DLGAP2: variants seen among roughly 807,000 people sequenced by gnomAD.
The protein encoded by DLGAP2 is DLG associated protein 2.
DLGAP2 carries 26 observed loss-of-function variants against 100.3 expected under a neutral mutation model. The observed-to-expected ratio is 0.26, with a 90% CI of 0.19 to 0.36. The LOEUF (loss-of-function observed/expected upper bound fraction) is 0.36, where lower values mean the gene tolerates loss of function less well. Ranked by LOEUF, DLGAP2 falls within the 10% of genes least tolerant of loss-of-function variation. The probability of loss-of-function intolerance (pLI) is 1.00; values close to 1 mark genes in which losing one functional copy is unlikely to be tolerated. For missense variants in DLGAP2, 1,858 were observed against 1,453.2 expected, an observed-to-expected ratio of 1.28 and a Z score of -4.53; for synonymous variants, 886 against 630.1, an observed-to-expected ratio of 1.41 and a Z score of -6.08.
At chr8:1,629,847 C>G (rs1036487982) in intron 7 of DLGAP2, among the ~76,000 whole-genome samples, 1 of 152,182 alleles carries the variant, frequency 6.6e-6, no homozygotes, top group Non-Finnish European at 1.5e-5. Context: ...CATTCAGAGG[C>G]TCTTTGCGAC....
intron 3 of DLGAP2, among the ~76,000 whole-genome samples, chr8:1,334,690 G>T (rs969113212): frequency 6.6e-6 from 1 of 151,980 alleles, no homozygotes; most frequent in Non-Finnish European, 1.5e-5. Context: ...GCACTCCAGG[G>T]TAAACACCTC....
At chr8:1,208,707 A>G (rs1157466293) in intron 2 of DLGAP2, among the ~76,000 whole-genome samples, 1 of 152,122 alleles carries the variant, frequency 6.6e-6, no homozygotes, top group Non-Finnish European at 1.5e-5. Flanking sequence ...CACTGATGAT[A>G]TGATTTTATA....
At chr8:1,454,272 A>G (rs1030254630) in intron 3 of DLGAP2, among the ~76,000 whole-genome samples, 2 of 152,054 alleles carry the variant, frequency 1.3e-5, no homozygotes, top group African/African-American at 4.8e-5. Flanking sequence ...GAGGTGGCCG[A>G]GTTCCACTGC....
At position 1,359,621 on chromosome 8, in the gene DLGAP2, G is replaced by A. The variant is rs1000352517; in HGVS notation, c.106+100738G>A. 3.3e-5 allele frequency among the ~76,000 whole-genome samples: 5 copies of A among 152,368 alleles called. No individual in the cohort carries two copies. The East Asian group carries it at 9.7e-4, about 30-fold the overall frequency. On this transcript the variant is annotated intron_variant, in intron 3 of 14. Transcript: ENST00000637795. ...AGTCCCTGGTGCAGAGGCTGATGCT[G>A]TCGGCGGCTGTCCCTGTGGGTGATG...
At chr8:756,303 A>C (rs1820919831) in intron 1 of DLGAP2, among the ~76,000 whole-genome samples, 1 of 152,040 alleles carries the variant, frequency 6.6e-6, no homozygotes, top group African/African-American at 2.4e-5. Flanking sequence ...GATAGGGAGC[A>C]GGTGTGGGCA....
intron 2 of DLGAP2, among the ~76,000 whole-genome samples, chr8:1,219,742 C>A (rs1356932451): frequency 6.6e-6 from 1 of 151,912 alleles, no homozygotes; most frequent in African/African-American, 2.4e-5. Flanking sequence ...TCCGTATGTC[C>A]CAGGGCTTTT....
Position 1,627,031 on chromosome 8 carries a change from G to T in DLGAP2, c.1590+144G>T, listed in dbSNP as rs188043535. The T allele has an allele frequency of 1.3e-3, 1,212 of 968,842 alleles. 5 individuals are homozygous for T. Among genetic ancestry groups the T allele is most frequent in the Admixed American group, 2.3e-3 (83 of 35,642 alleles). 60.0% of individuals were successfully genotyped at this position (968,842 alleles called of 1,614,324 possible). A position where few individuals can be genotyped will look rare whatever the true frequency, so the allele number is the denominator to read the frequency against. ...GGCTACACCAAAGGGGGTTCCCCTG[G>T]AATTAGCTCTGGCTGATTAGACTCG... On this transcript the variant is annotated intron_variant, in intron 7 of 14. Coordinates refer to ENST00000637795, the MANE Select transcript of DLGAP2 (RefSeq NM_001346810.2).
At position 1,267,637 on chromosome 8, in the gene DLGAP2, G is replaced by GAAATAAAATAAAATCAAATCAAATCAAA. The variant is rs1382093781; in HGVS notation, c.106+8754_106+8755insAAATAAAATAAAATCAAATCAAATCAAA. Among the ~76,000 whole-genome samples the GAAATAAAATAAAATCAAATCAAATCAAA allele has an allele frequency of 1.7e-4, 16 of 91,968 alleles. 2 individuals carry two copies. The highest frequency in any genetic ancestry group is 2.9e-4 in the Non-Finnish European group (13 of 44,304). 60.3% of individuals were successfully genotyped at this position (91,968 alleles called of 152,430 possible). On this transcript the variant is annotated intron_variant, in intron 3 of 14. Coordinates refer to ENST00000637795, the MANE Select transcript of DLGAP2 (RefSeq NM_001346810.2). ...ATAAGATAAGATAAATATTAAATAG[G>GAAATAAAATAAAATCAAATCAAATCAAA]TCTACAAAAAGGCCTCCAGGGTCAG...
intron 1 of DLGAP2, among the ~76,000 whole-genome samples, chr8:789,205 A>C (rs950787001): frequency 6.6e-6 from 1 of 152,204 alleles, no homozygotes; most frequent in Non-Finnish European, 1.5e-5. Flanking sequence ...GAAATAGGTG[A>C]AACTGGGCAA....
intron 2 of DLGAP2, among the ~76,000 whole-genome samples, chr8:965,878 A>T (rs192486153): frequency 1.3e-5 from 2 of 150,816 alleles, no homozygotes; most frequent in African/African-American, 4.9e-5. Context: ...GCATGCACAC[A>T]GCGCTGTTCA....
intron 1 of DLGAP2, among the ~76,000 whole-genome samples, chr8:767,238 A>G (rs967545394): frequency 7.9e-5 from 12 of 152,114 alleles, no homozygotes; most frequent in Non-Finnish European, 2.9e-5. Context: ...GCAAGGAAAT[A>G]AAAACACAGG....
chr8:1,631,793 G>C (rs1334057256), intron 7 of DLGAP2, among the ~76,000 whole-genome samples: 2 of 152,222 alleles, frequency 1.3e-5, no homozygotes, highest in Admixed American at 6.5e-5. Context: ...GGTCACCTCA[G>C]GTGAAACCAG....
intron 3 of DLGAP2, among the ~76,000 whole-genome samples, chr8:1,265,638 C>G (rs1362138026): frequency 6.6e-6 from 1 of 152,238 alleles, no homozygotes; most frequent in African/African-American, 2.4e-5. Context: ...CAAGTACAGA[C>G]ACTCCCATGC....
intron 3 of DLGAP2, among the ~76,000 whole-genome samples, chr8:1,464,170 A>ATGACACCCTTC (rs1798540906): frequency 7.7e-6 from 1 of 129,322 alleles, no homozygotes; most frequent in Non-Finnish European, 1.8e-5. Context: ...CCCTTCCAGG[A>ATGACACCCTTC]CAGCACCCGT....
intron 3 of DLGAP2, among the ~76,000 whole-genome samples, chr8:1,290,756 C>T (rs1800039419): frequency 6.6e-6 from 1 of 152,214 alleles, no homozygotes; most frequent in Non-Finnish European, 1.5e-5. Flanking sequence ...TGCTAAAATG[C>T]TGCGTGCACA....
At chr8:1,343,916 G>A (rs1315862951) in intron 3 of DLGAP2, among the ~76,000 whole-genome samples, 1 of 152,184 alleles carries the variant, frequency 6.6e-6, no homozygotes, top group African/African-American at 2.4e-5. Context: ...TCCCTGCCAG[G>A]TGAGGTATAT....
intron 2 of DLGAP2, among the ~76,000 whole-genome samples, chr8:1,047,949 A>C (rs1176814652): frequency 6.6e-6 from 1 of 152,186 alleles, no homozygotes; most frequent in African/African-American, 2.4e-5. Context: ...GCCTAGGTAC[A>C]GAGTTGTAAC....
At chr8:1,435,007 A>T (rs1371496737) in intron 3 of DLGAP2, among the ~76,000 whole-genome samples, 1 of 152,146 alleles carries the variant, frequency 6.6e-6, no homozygotes, top group Admixed American at 6.5e-5. Flanking sequence ...ACTCTGTGTT[A>T]TTCTTCCTAA....
chr8:1,162,889 G>A (rs1029824402), intron 2 of DLGAP2, among the ~76,000 whole-genome samples: 1 of 152,234 alleles, frequency 6.6e-6, no homozygotes, highest in South Asian at 2.1e-4. Context: ...AGAGGGTGCT[G>A]GGCTGGGGTC....
Sources: allele counts gnomAD v4.1 joint callset (sites outside exome capture counted in the v4.1 genomes callset), GRCh38; gene constraint gnomAD v4.1.1; transcripts MANE v1.5; gene names NCBI Gene and HGNC (gene_info 2026-07-23, HGNC 2026-07-21).